Variants in PAPSS1 observed in about 807,000 individuals in gnomAD.
The protein encoded by PAPSS1 is bifunctional 3'-phosphoadenosine 5'-phosphosulfate synthase 1.
In PAPSS1, 50 loss-of-function variants were observed where a neutral mutation model predicts 72.0. That is an observed-to-expected ratio of 0.69 (90% CI 0.55 to 0.88). The LOEUF is 0.88. PAPSS1 is among the 40% of genes least tolerant of loss of function. The pLI, the probability that PAPSS1 is intolerant of heterozygous loss-of-function variation, is 0.00. For synonymous variants in PAPSS1, 261 were observed against 263.6 expected (o/e 0.99, Z 0.09); for missense variants, 657 against 782.2 (o/e 0.84, Z 1.91).
chr4:107,703,819 C>A (rs1161074931), intron 1 of PAPSS1, among the ~76,000 whole-genome samples: 1 of 152,058 alleles, frequency 6.6e-6, no homozygotes, highest in Non-Finnish European at 1.5e-5. Context: ...CTCAAGATTG[C>A]TTTGGTTATC....
At chr4:107,686,485 T>C (rs1026473421) in intron 4 of PAPSS1, among the ~76,000 whole-genome samples, 12 of 152,222 alleles carry the variant, frequency 7.9e-5, no homozygotes, top group Admixed American at 1.3e-4. Context: ...AATTCACGGT[T>C]GGTTGAAACC....
intron 1 of PAPSS1, among the ~76,000 whole-genome samples, chr4:107,712,546 A>G (rs1422477971): frequency 6.6e-6 from 1 of 152,222 alleles, no homozygotes; most frequent in Non-Finnish European, 1.5e-5. Flanking sequence ...ATAGCCAAAA[A>G]GTAGGAACAA....
chr4:107,665,719 T>A (rs1009818069), intron 5 of PAPSS1, among the ~76,000 whole-genome samples: 1 of 152,168 alleles, frequency 6.6e-6, no homozygotes, highest in Non-Finnish European at 1.5e-5. Context: ...AATTTATAAG[T>A]ATTAATTTAA....
chr4:107,626,126 C>T (rs575521450), intron 11 of PAPSS1, among the ~76,000 whole-genome samples: 6 of 147,646 alleles, frequency 4.1e-5, no homozygotes, highest in South Asian at 2.2e-4. Context: ...TGCAGTGAGC[C>T]GAGATAGCAC....
rs79577588 is a variant in PAPSS1 at position 107,618,316 on chromosome 4, T to C, written c.1737-3929A>G. Among the ~76,000 whole-genome samples the C allele has an allele frequency of 3.3e-3, 494 of 149,280 alleles. 3 individuals carry two copies. The highest frequency in any genetic ancestry group is 0.012 in the African/African-American group (485 of 40,664). ...TTAATAGAAGAGTTTTAATAGATGA[T>C]AAAAGAAAGAGATAGAGCAGTGAAA... On this transcript the variant is annotated intron_variant, in intron 11 of 11. Transcript: ENST00000265174.
At chr4:107,665,989 A>C (rs181879382) in intron 5 of PAPSS1, among the ~76,000 whole-genome samples, 12 of 152,310 alleles carry the variant, frequency 7.9e-5, no homozygotes, top group Admixed American at 7.2e-4. Flanking sequence ...TTCTTGAGCC[A>C]AATCTGCTCA....
At position 107,631,619 on chromosome 4, in the gene PAPSS1, T is replaced by C. The variant is rs746773145; in HGVS notation, c.1736+12A>G. The C allele has an allele frequency of 3.2e-6, 5 of 1,576,988 alleles. No homozygotes were observed. The highest frequency in any genetic ancestry group is 4.4e-6 in the Non-Finnish European group (5 of 1,147,286). ...GTACTTCAAAGATTTGTACAGAGAATGTAAGACTTACTGTTCAGAGTCATA... is the reference window on the plus strand; with the variant it reads ...GTACTTCAAAGATTTGTACAGAGAACGTAAGACTTACTGTTCAGAGTCATA... On this transcript the variant is annotated intron_variant, in intron 11 of 11. Coordinates refer to ENST00000265174, the MANE Select transcript of PAPSS1 (RefSeq NM_005443.5).
chr4:107,622,557 A>G (rs1725993529), intron 11 of PAPSS1, among the ~76,000 whole-genome samples: 1 of 152,262 alleles, frequency 6.6e-6, no homozygotes. Flanking sequence ...CAAATAATGC[A>G]TATTTCCATG....
chr4:107,637,046 T>C (rs1205696509), intron 10 of PAPSS1, among the ~76,000 whole-genome samples: 2 of 152,232 alleles, frequency 1.3e-5, no homozygotes, highest in African/African-American at 2.4e-5. Flanking sequence ...AAATTTTAGT[T>C]CTATAATGGT....
intron 11 of PAPSS1, among the ~76,000 whole-genome samples, chr4:107,627,744 A>T (rs1726134896): frequency 6.6e-6 from 1 of 152,142 alleles, no homozygotes; most frequent in South Asian, 2.1e-4. Flanking sequence ...TCTTAAAAAA[A>T]TTTTAAGGCA....
intron 3 of PAPSS1, 132 bp from the exon 4 acceptor site, chr4:107,687,309 C>A: frequency 3.1e-6 from 2 of 637,076 alleles, no homozygotes; most frequent in South Asian, 3.0e-5. Flanking sequence ...TAAATATAAA[C>A]TGAAAAAAAA....
intron 11 of PAPSS1, among the ~76,000 whole-genome samples, chr4:107,628,663 C>T (rs7671938): frequency 0.022 from 3,318 of 152,216 alleles, 56 homozygotes; most frequent in Non-Finnish European, 0.034. Flanking sequence ...GTGATTTGTA[C>T]TAAAAGAGCA....
intron 11 of PAPSS1, among the ~76,000 whole-genome samples, chr4:107,626,754 T>C (rs1433384864): frequency 6.6e-6 from 1 of 152,212 alleles, no homozygotes; most frequent in Non-Finnish European, 1.5e-5. Flanking sequence ...CATCTGTGCA[T>C]AATTAATAAC....
rs1723387579 is a variant in PAPSS1 at position 107,708,106 on chromosome 4, T to C, written c.61-6821A>G. 5.3e-5 allele frequency among the ~76,000 whole-genome samples: 8 copies of C among 152,226 alleles called. No homozygotes were observed. In the South Asian group the frequency reaches 1.7e-3, roughly 31 times the overall value. ...TCCCATCTACTCATCTCATTAACAA[T>C]AATTATTTACACAATAATTATTAAT... is the stretch of plus-strand genomic sequence containing the variant. On this transcript the variant is annotated intron_variant, in intron 1 of 11. Coordinates refer to ENST00000265174, the MANE Select transcript of PAPSS1 (RefSeq NM_005443.5).
At chr4:107,625,329 G>A (rs760303189) in intron 11 of PAPSS1, among the ~76,000 whole-genome samples, 10 of 152,272 alleles carry the variant, frequency 6.6e-5, no homozygotes, top group East Asian at 3.9e-4. Flanking sequence ...AATTATCTGC[G>A]TGGCCCTAAG....
At chr4:107,683,366 A>G (rs966901335) in intron 4 of PAPSS1, among the ~76,000 whole-genome samples, 1 of 7,752 alleles carries the variant, frequency 1.3e-4, no homozygotes, top group South Asian at 0.1. Context: ...ATGGCTGGGA[A>G]AAAAAAAAAT....
chr4:107,700,749 C>T (rs546298010), intron 2 of PAPSS1, among the ~76,000 whole-genome samples: 1 of 152,282 alleles, frequency 6.6e-6, no homozygotes, highest in South Asian at 2.1e-4. Flanking sequence ...GCTAGTCCCT[C>T]AATCTTGGAC....
At chr4:107,680,060 C>T (rs1727761763) in intron 5 of PAPSS1, among the ~76,000 whole-genome samples, 1 of 151,702 alleles carries the variant, frequency 6.6e-6, no homozygotes, top group Non-Finnish European at 1.5e-5. Flanking sequence ...AGAAACAGAG[C>T]ATCTAAAAAC....
At chr4:107,648,307 C>A (rs1189873523) in intron 9 of PAPSS1, among the ~76,000 whole-genome samples, 1 of 152,214 alleles carries the variant, frequency 6.6e-6, no homozygotes, top group Non-Finnish European at 1.5e-5. Context: ...CCACAGGCCG[C>A]TTCATCTAGA....
Sources: allele counts gnomAD v4.1 joint callset (sites outside exome capture counted in the v4.1 genomes callset), GRCh38; gene constraint gnomAD v4.1.1; transcripts MANE v1.5; gene names NCBI Gene and HGNC (gene_info 2026-07-23, HGNC 2026-07-21).